PCDH15: variants seen among roughly 807,000 people sequenced by gnomAD.
PCDH15 encodes the protein protocadherin-15.
In PCDH15, 129 loss-of-function variants were observed where a neutral mutation model predicts 178.5. The observed-to-expected ratio is 0.72, with a 90% CI of 0.63 to 0.84. The LOEUF (loss-of-function observed/expected upper bound fraction) is 0.84, where lower values mean the gene tolerates loss of function less well. Ranked by LOEUF, PCDH15 falls within the 40% of genes least tolerant of loss-of-function variation. The pLI, the probability that PCDH15 is intolerant of heterozygous loss-of-function variation, is 0.00. For synonymous variants in PCDH15, 800 were observed against 732.0 expected (o/e 1.09, Z -1.50); for missense variants, 2,230 against 2,099.9 (o/e 1.06, Z -1.21).
chr10:55,060,477 A>G (rs1424079441), intron 2 of PCDH15, among the ~76,000 whole-genome samples: 3 of 152,048 alleles, frequency 2.0e-5, no homozygotes, highest in Non-Finnish European at 4.4e-5. Context: ...TTGGGTTTAT[A>G]TTCAAAGTCA....
chr10:55,476,460 T>C (rs796817714), intron 2 of PCDH15, among the ~76,000 whole-genome samples: 3 of 152,100 alleles, frequency 2.0e-5, no homozygotes, highest in African/African-American at 7.2e-5. Context: ...TTGACAATGA[T>C]TGGAAATATT....
intron 13 of PCDH15, among the ~76,000 whole-genome samples, chr10:54,168,808 C>T (rs925197883): frequency 1.3e-5 from 2 of 152,120 alleles, no homozygotes; most frequent in African/African-American, 4.8e-5. Context: ...CTGCTCCTGA[C>T]ATTAAATAAA....
chr10:55,283,373 C>G (rs1019648877), intron 1 of PCDH15, among the ~76,000 whole-genome samples: 1 of 152,010 alleles, frequency 6.6e-6, no homozygotes, highest in Non-Finnish European at 1.5e-5. Context: ...CTTAAAAACT[C>G]TGATCCCTGA....
intron 37 of PCDH15, chr10:53,808,330 G>GTGTATATATATA (rs1554815344): frequency 2.5e-5 from 5 of 201,310 alleles, no homozygotes; most frequent in African/African-American, 1.3e-4. Flanking sequence ...GTGTGTGTGT[G>GTGTATATATATA]TATATATATA....
intron 1 of PCDH15, among the ~76,000 whole-genome samples, chr10:55,259,005 T>G (rs554337350): frequency 6.6e-6 from 1 of 152,314 alleles, no homozygotes; most frequent in Admixed American, 6.5e-5. Context: ...TCTTCCCTGC[T>G]ATATAAATCC....
At chr10:55,452,311 C>T (rs779819406) in intron 2 of PCDH15, among the ~76,000 whole-genome samples, 22 of 152,112 alleles carry the variant, frequency 1.4e-4, no homozygotes, top group Non-Finnish European at 8.8e-5. Context: ...TTGGCCTGCA[C>T]GTTACCTTGA....
chr10:53,872,701 T>C lies in PCDH15; in HGVS notation c.3502-5844A>G, dbSNP rs187754186. Among the ~76,000 whole-genome samples the C allele has an allele frequency of 1.2e-4, 18 of 152,306 alleles. No individual in the cohort carries two copies. In the East Asian group the frequency reaches 3.5e-3, roughly 29 times the overall value. ...ACTGTGCCTTTGTCTATTTAGGAAA[T>C]CCTTGCTATATGTAATAAGTTCTCT... is the stretch of plus-strand genomic sequence containing the variant. On this transcript the variant is annotated intron_variant, in intron 26 of 37. Transcript: ENST00000644397.
At chr10:54,579,351 A>G (rs2090816333) in intron 2 of PCDH15, among the ~76,000 whole-genome samples, 2 of 152,148 alleles carry the variant, frequency 1.3e-5, no homozygotes, top group South Asian at 4.1e-4. Flanking sequence ...CTTGTGTTAG[A>G]TAAGACAGAA....
intron 2 of PCDH15, among the ~76,000 whole-genome samples, chr10:54,601,514 G>A (rs1411116319): frequency 1.3e-5 from 2 of 151,976 alleles, no homozygotes; most frequent in African/African-American, 4.8e-5. Context: ...CAGTCAGAAA[G>A]CTTTTTATTA....
chr10:53,939,068 A>T, intron 24 of PCDH15, 113 bp from the exon 25 acceptor site: 1 of 1,040,354 alleles, frequency 9.6e-7, no homozygotes, highest in Non-Finnish European at 1.4e-6. Context: ...TTATAACTAG[A>T]GTGATGCATG....
chr10:55,355,895 A>G (rs1009091938), intron 2 of PCDH15, among the ~76,000 whole-genome samples: 1 of 151,976 alleles, frequency 6.6e-6, no homozygotes, highest in African/African-American at 2.4e-5. Context: ...ACCTGGATTA[A>G]CATGCTTTAT....
At chr10:54,449,876 G>T (rs2076360436) in intron 3 of PCDH15, among the ~76,000 whole-genome samples, 1 of 151,562 alleles carries the variant, frequency 6.6e-6, no homozygotes, top group East Asian at 1.9e-4. Context: ...ATCCCCCATG[G>T]ATACTGAGAG....
At chr10:55,486,249 C>A (rs1383411627) in intron 2 of PCDH15, among the ~76,000 whole-genome samples, 1 of 151,386 alleles carries the variant, frequency 6.6e-6, no homozygotes, top group Non-Finnish European at 1.5e-5. Flanking sequence ...TAGTTTTTAA[C>A]CTAAAAAATA....
chr10:55,212,414 T>C (rs1407639691), intron 1 of PCDH15, among the ~76,000 whole-genome samples: 2 of 152,066 alleles, frequency 1.3e-5, no homozygotes, highest in African/African-American at 2.4e-5. Flanking sequence ...TTTTGCCTAT[T>C]AAACTTCCAC....
At chr10:54,170,747 G>A (rs1454723164) in intron 13 of PCDH15, among the ~76,000 whole-genome samples, 315 of 151,710 alleles carry the variant, frequency 2.1e-3, no homozygotes, top group African/African-American at 6.9e-3. Flanking sequence ...TATTGATGGC[G>A]GTTCCACCAG....
intron 1 of PCDH15, among the ~76,000 whole-genome samples, chr10:54,678,163 T>C (rs2094827110): frequency 6.6e-6 from 1 of 152,152 alleles, no homozygotes; most frequent in Non-Finnish European, 1.5e-5. Context: ...TATATGTATA[T>C]ACACACACAC....
chr10:54,337,082 G>A (rs537735667), intron 6 of PCDH15, among the ~76,000 whole-genome samples: 1 of 150,636 alleles, frequency 6.6e-6, no homozygotes, highest in Non-Finnish European at 1.5e-5. Context: ...TAGACCCTTT[G>A]TTTTTGCCAA....
intron 18 of PCDH15, among the ~76,000 whole-genome samples, chr10:54,047,519 C>T (rs2093680427): frequency 6.6e-6 from 1 of 151,848 alleles, no homozygotes; most frequent in Non-Finnish European, 1.5e-5. Context: ...ATGTAGTGAG[C>T]ATAGTACCCA....
chr10:54,421,812 GTGTGTATATA>G (rs1955419893), intron 3 of PCDH15, among the ~76,000 whole-genome samples: 1 of 60,448 alleles, frequency 1.7e-5, no homozygotes, highest in Non-Finnish European at 3.3e-5. Flanking sequence ...CATGTGTAGT[GTGTGTATATA>G]TATATATATA....
Sources: allele counts gnomAD v4.1 joint callset (sites outside exome capture counted in the v4.1 genomes callset), GRCh38; gene constraint gnomAD v4.1.1; transcripts MANE v1.5; gene names NCBI Gene and HGNC (gene_info 2026-07-23, HGNC 2026-07-21).